Variants in ZC3H12B observed in about 807,000 individuals in gnomAD.
The protein encoded by ZC3H12B is probable ribonuclease ZC3H12B.
In ZC3H12B, 7 loss-of-function variants were observed where a neutral mutation model predicts 43.9. The ratio of observed to expected loss-of-function variants is 0.16; its 90% CI spans 0.09 to 0.30. ZC3H12B has a LOEUF of 0.30. Ranked by LOEUF, ZC3H12B falls within the 10% of genes least tolerant of loss-of-function variation. ZC3H12B has a pLI of 1.00. For missense variants in ZC3H12B, 475 were observed against 670.2 expected (o/e 0.71, Z 3.22); for synonymous variants, 222 against 241.7 (o/e 0.92, Z 0.76).
chrX:65,368,355 A>C (rs2066200995), intron 1 of ZC3H12B, among the ~76,000 whole-genome samples: 1 of 111,665 alleles, frequency 9.0e-6, no homozygotes, highest in South Asian at 3.7e-4. Flanking sequence ...TTTGTTTTGC[A>C]TAAAAGGTCA....
the ZC3H12B span, among the ~76,000 whole-genome samples, chrX:65,359,852 T>C: frequency 1.8e-5 from 2 of 111,980 alleles, no homozygotes; most frequent in Non-Finnish European, 3.8e-5. Flanking sequence ...GTGGATAAAA[T>C]GTTATCAACC....
chrX:65,104,495 A>G, the ZC3H12B span, among the ~76,000 whole-genome samples: 11 of 111,894 alleles, frequency 9.8e-5, no homozygotes, highest in Admixed American at 4.7e-4. Flanking sequence ...AATGGGAGAA[A>G]ATTTTTGCAA....
chrX:65,329,307 G>T, the ZC3H12B span, among the ~76,000 whole-genome samples: 1 of 111,406 alleles, frequency 9.0e-6, no homozygotes, highest in Admixed American at 9.5e-5. Flanking sequence ...CAGTGATGAT[G>T]AGCATTTTTT....
the ZC3H12B span, among the ~76,000 whole-genome samples, chrX:65,152,589 A>G: frequency 1.8e-5 from 2 of 111,573 alleles, no homozygotes; most frequent in African/African-American, 3.3e-5. Flanking sequence ...AAAAGAGGAT[A>G]CAAACAAATG....
the ZC3H12B span, among the ~76,000 whole-genome samples, chrX:65,095,195 G>A: frequency 8.9e-6 from 1 of 111,764 alleles, no homozygotes; most frequent in Non-Finnish European, 1.9e-5. Flanking sequence ...ATTACAAAAT[G>A]GATCTGTATT....
chrX:65,360,711 TA>T, the ZC3H12B span, among the ~76,000 whole-genome samples: 3 of 112,015 alleles, frequency 2.7e-5, no homozygotes, highest in East Asian at 8.4e-4. Context: ...TCAAGGCAAA[TA>T]AAAGAATATA....
At chrX:65,092,394 A>G in the ZC3H12B span, among the ~76,000 whole-genome samples, 1 of 111,763 alleles carries the variant, frequency 8.9e-6, no homozygotes. Flanking sequence ...GGTTGGAAGC[A>G]TATGGAGGGC....
chrX:65,421,846 G>A (rs890596616), intron 3 of ZC3H12B, among the ~76,000 whole-genome samples: 1 of 110,331 alleles, frequency 9.1e-6, no homozygotes, highest in Non-Finnish European at 1.9e-5. Context: ...CACTCGGGAG[G>A]CTGAGGCAGG....
At chrX:65,231,879 A>T in the ZC3H12B span, among the ~76,000 whole-genome samples, 1 of 111,616 alleles carries the variant, frequency 9.0e-6, no homozygotes, top group South Asian at 3.7e-4. Flanking sequence ...TAACGCAATC[A>T]TCACAGGGTC....
At chrX:65,152,673 A>G in the ZC3H12B span, among the ~76,000 whole-genome samples, 4 of 111,520 alleles carry the variant, frequency 3.6e-5, no homozygotes, top group Non-Finnish European at 7.5e-5. Context: ...GGTAATTTAT[A>G]GATTCAATGC....
the ZC3H12B span, among the ~76,000 whole-genome samples, chrX:65,076,200 G>A: frequency 9.3e-6 from 1 of 107,244 alleles, no homozygotes; most frequent in Non-Finnish European, 1.9e-5. Flanking sequence ...CACCTAGGCT[G>A]TTGGAGTGCA....
At chrX:65,054,685 C>G in the ZC3H12B span, among the ~76,000 whole-genome samples, 1 of 111,682 alleles carries the variant, frequency 9.0e-6, no homozygotes, top group African/African-American at 3.3e-5. Flanking sequence ...GGCAGTATGG[C>G]CATTTTTACG....
the ZC3H12B span, among the ~76,000 whole-genome samples, chrX:65,188,620 G>A: frequency 9.1e-6 from 1 of 110,472 alleles, no homozygotes; most frequent in Admixed American, 9.7e-5. Flanking sequence ...GTCTTCTTGT[G>A]AGAAATGTCA....
the ZC3H12B span, among the ~76,000 whole-genome samples, chrX:65,285,756 A>G: frequency 8.9e-6 from 1 of 111,897 alleles, no homozygotes; most frequent in African/African-American, 3.2e-5. Flanking sequence ...ATGTAATCAC[A>G]TTAAGTATAA....
chrX:65,330,065 GT>G, the ZC3H12B span, among the ~76,000 whole-genome samples: 1 of 111,678 alleles, frequency 9.0e-6, no homozygotes, highest in Middle Eastern at 4.7e-3. Flanking sequence ...CTTTAAAGTA[GT>G]TTTTTCCAAT....
the ZC3H12B span, among the ~76,000 whole-genome samples, chrX:65,099,547 G>A: frequency 9.0e-6 from 1 of 111,693 alleles, no homozygotes; most frequent in Non-Finnish European, 1.9e-5. Flanking sequence ...AGCAGTCTTT[G>A]CTGTTCTGTA....
intron 3 of ZC3H12B, among the ~76,000 whole-genome samples, chrX:65,440,663 CT>C (rs1421154277): frequency 1.8e-5 from 2 of 112,270 alleles, no homozygotes; most frequent in Non-Finnish European, 3.8e-5. Context: ...TTTTTTAAAT[CT>C]ATGACTATTA....
the ZC3H12B span, among the ~76,000 whole-genome samples, chrX:65,307,966 T>C: frequency 1.8e-5 from 2 of 111,755 alleles, no homozygotes; most frequent in African/African-American, 3.2e-5. Context: ...AACTGGCATG[T>C]TAAGTTTATT....
chrX:65,343,955 T>C, the ZC3H12B span, among the ~76,000 whole-genome samples: 25 of 112,246 alleles, frequency 2.2e-4, no homozygotes, highest in Non-Finnish European at 3.2e-4. Context: ...CCAAAAGCTT[T>C]TTAAGCTGAT....
Sources: allele counts gnomAD v4.1 joint callset (sites outside exome capture counted in the v4.1 genomes callset), GRCh38; gene constraint gnomAD v4.1.1; transcripts MANE v1.5; gene names NCBI Gene and HGNC (gene_info 2026-07-23, HGNC 2026-07-21).